TBC1D5: variants seen among roughly 807,000 people sequenced by gnomAD.
The protein encoded by TBC1D5 is TBC1 domain family member 5.
A neutral mutation model predicts 100.3 loss-of-function variants in TBC1D5; 75 were observed. The ratio of observed to expected loss-of-function variants is 0.75; its 90% CI spans 0.62 to 0.91. The LOEUF (loss-of-function observed/expected upper bound fraction) is 0.91. Ranked by LOEUF, TBC1D5 falls within the 40% of genes least tolerant of loss-of-function variation. The pLI is 0.00. For synonymous variants in TBC1D5, 323 were observed against 325.6 expected (o/e 0.99, Z 0.09); for missense variants, 910 against 942.4 (o/e 0.97, Z 0.45).
intron 3 of TBC1D5, among the ~76,000 whole-genome samples, chr3:17,431,871 G>C (rs1178215013): frequency 6.6e-6 from 1 of 151,994 alleles, no homozygotes; most frequent in Non-Finnish European, 1.5e-5. Flanking sequence ...TTTAACAAAG[G>C]GCATTTTTGG....
At chr3:17,571,446 A>C (rs1404419876) in intron 2 of TBC1D5, among the ~76,000 whole-genome samples, 1 of 151,982 alleles carries the variant, frequency 6.6e-6, no homozygotes, top group South Asian at 2.1e-4. Context: ...TCTACCCTTA[A>C]GTTCTCGTAT....
At chr3:17,698,733 G>T (rs982516577) in intron 1 of TBC1D5, among the ~76,000 whole-genome samples, 3 of 150,624 alleles carry the variant, frequency 2.0e-5, no homozygotes, top group Non-Finnish European at 4.4e-5. Context: ...AGTGGGCAAA[G>T]GATATGAACC....
chr3:17,511,252 G>A (rs2095902831), intron 2 of TBC1D5, among the ~76,000 whole-genome samples: 1 of 151,920 alleles, frequency 6.6e-6, no homozygotes, highest in Non-Finnish European at 1.5e-5. Context: ...CTTAATGTAA[G>A]ATTTATATTC....
At chr3:17,290,818 A>G (rs2081649413) in intron 15 of TBC1D5, among the ~76,000 whole-genome samples, 2 of 152,214 alleles carry the variant, frequency 1.3e-5, no homozygotes, top group Non-Finnish European at 2.9e-5. Context: ...AATGGATTAT[A>G]TTTCTGATGC....
At chr3:17,689,277 C>T (rs1203265464) in intron 1 of TBC1D5, among the ~76,000 whole-genome samples, 1 of 152,116 alleles carries the variant, frequency 6.6e-6, no homozygotes, top group Non-Finnish European at 1.5e-5. Context: ...CAATGGCTCA[C>T]GACTGTAATC....
rs2095456139 is a variant in TBC1D5 at position 17,477,789 on chromosome 3, AG to A, written c.97+30684del. On this transcript the variant is annotated intron_variant, in intron 3 of 21. Coordinates refer to ENST00000253692, the Ensembl canonical transcript of TBC1D5. ...TACTATATTGTTTAACAAGTTTAGA[AG>A]TATGTATACACATTGCTTTCTAGGT... is the stretch of plus-strand genomic sequence containing the variant. Among the ~76,000 whole-genome samples, 3 of 152,224 alleles carry A rather than the reference AG, an allele frequency of 2.0e-5. No individual in the cohort carries two copies. The South Asian group carries it at 6.2e-4, about 32-fold the overall frequency.
intron 3 of TBC1D5, among the ~76,000 whole-genome samples, chr3:17,495,246 TTAAA>T (rs1399666349): frequency 6.6e-6 from 1 of 152,258 alleles, no homozygotes; most frequent in Non-Finnish European, 1.5e-5. Flanking sequence ...CATTTTATAC[TTAAA>T]TATTTATTGC....
chr3:17,663,769 T>C (rs989808672), intron 1 of TBC1D5, among the ~76,000 whole-genome samples: 2 of 152,298 alleles, frequency 1.3e-5, no homozygotes, highest in Non-Finnish European at 2.9e-5. Flanking sequence ...TATGTAACAG[T>C]GGAAAATTCT....
chr3:17,397,958 T>C (rs569477050), intron 8 of TBC1D5, among the ~76,000 whole-genome samples: 3 of 152,182 alleles, frequency 2.0e-5, no homozygotes, highest in Non-Finnish European at 4.4e-5. Context: ...AGCTTATAAA[T>C]ATGTTAATCT....
intron 15 of TBC1D5, among the ~76,000 whole-genome samples, chr3:17,269,621 T>C (rs192094760): frequency 9.9e-4 from 151 of 152,182 alleles, no homozygotes; most frequent in Non-Finnish European, 1.6e-3. Context: ...AATAGGAAGT[T>C]TTATGGGTCT....
At chr3:17,419,122 A>G (rs563628952) in intron 4 of TBC1D5, among the ~76,000 whole-genome samples, 1 of 152,322 alleles carries the variant, frequency 6.6e-6, no homozygotes, top group Admixed American at 6.5e-5. Flanking sequence ...AATATTACAA[A>G]GACTCTCTGA....
At chr3:17,283,172 G>C (rs961636208) in intron 15 of TBC1D5, among the ~76,000 whole-genome samples, 1 of 152,166 alleles carries the variant, frequency 6.6e-6, no homozygotes, top group African/African-American at 2.4e-5. Flanking sequence ...TTTCTGCAGT[G>C]GTGTCTGTTG....
Position 17,277,257 on chromosome 3 carries a change from C to G in TBC1D5, c.1245+14638G>C, listed in dbSNP as rs537468725. Reference sequence around the variant, plus strand: ...GAAAATATGAAATTCTTCATATTTTCTCTCATGCTCTTTTCTTCTCACCTC... The same window carrying G: ...GAAAATATGAAATTCTTCATATTTTGTCTCATGCTCTTTTCTTCTCACCTC... On this transcript the variant is annotated intron_variant, in intron 15 of 21. Transcript: ENST00000253692. Among the ~76,000 whole-genome samples, 8 of 152,228 alleles carry G rather than the reference C, an allele frequency of 5.3e-5. No homozygotes were observed. In the East Asian group the frequency reaches 1.5e-3, roughly 29 times the overall value.
At chr3:17,567,401 A>G (rs543323574) in intron 2 of TBC1D5, among the ~76,000 whole-genome samples, 1 of 151,916 alleles carries the variant, frequency 6.6e-6, no homozygotes, top group East Asian at 1.9e-4. Context: ...CATCAAAACT[A>G]TATGACAAGA....
intron 2 of TBC1D5, among the ~76,000 whole-genome samples, chr3:17,512,359 A>G (rs1308306767): frequency 6.6e-6 from 1 of 152,102 alleles, no homozygotes; most frequent in Non-Finnish European, 1.5e-5. Context: ...CAGCATAAAC[A>G]TAACACTTAC....
chr3:17,318,836 G>A (rs1460319044), intron 13 of TBC1D5, among the ~76,000 whole-genome samples: 1 of 152,112 alleles, frequency 6.6e-6, no homozygotes, highest in Non-Finnish European at 1.5e-5. Context: ...GGGTTTTTCT[G>A]GGTAGAAGAA....
intron 15 of TBC1D5, among the ~76,000 whole-genome samples, chr3:17,289,262 A>T (rs1226872291): frequency 6.6e-6 from 1 of 152,120 alleles, no homozygotes; most frequent in Non-Finnish European, 1.5e-5. Flanking sequence ...CAGCCACAGG[A>T]TCCGGGCTGG....
chr3:17,300,578 T>C (rs759894437), intron 14 of TBC1D5, among the ~76,000 whole-genome samples: 1 of 151,932 alleles, frequency 6.6e-6, no homozygotes, highest in African/African-American at 2.4e-5. Context: ...TGCCATGCCA[T>C]GCCAGGCCAG....
chr3:17,437,559 T>C (rs757854088), intron 3 of TBC1D5, among the ~76,000 whole-genome samples: 22 of 147,250 alleles, frequency 1.5e-4, no homozygotes, highest in Non-Finnish European at 2.7e-4. Flanking sequence ...ATAGGTAGTA[T>C]GCATGTGTGT....
Sources: allele counts gnomAD v4.1 joint callset (sites outside exome capture counted in the v4.1 genomes callset), GRCh38; gene constraint gnomAD v4.1.1; transcripts MANE v1.5; gene names NCBI Gene and HGNC (gene_info 2026-07-23, HGNC 2026-07-21).